Variants in CDH13 observed in about 807,000 individuals in gnomAD.
CDH13 encodes the protein cadherin 13, also known as cadherin-13.
Under a neutral mutation model 63.8 loss-of-function variants are expected in CDH13, and 24 were observed. The observed-to-expected ratio is 0.38, with a 90% CI of 0.27 to 0.53. The LOEUF (loss-of-function observed/expected upper bound fraction) is 0.53. Ranked by LOEUF, CDH13 falls within the 20% of genes least tolerant of loss-of-function variation. The pLI is 0.85. For synonymous variants in CDH13, 503 were observed against 355.3 expected, an observed-to-expected ratio of 1.42 and a Z score of -4.67; for missense variants, 1,049 against 903.1, an observed-to-expected ratio of 1.16 and a Z score of -2.07.
intron 1 of CDH13, among the ~76,000 whole-genome samples, chr16:82,653,343 TAAATA>T (rs1454711333): frequency 1.3e-5 from 2 of 152,164 alleles, no homozygotes; most frequent in Admixed American, 1.3e-4. Context: ...CACAAAAAAA[TAAATA>T]AAAGTATGCT....
intron 1 of CDH13, among the ~76,000 whole-genome samples, chr16:82,770,497 A>C (rs2035219906): frequency 6.6e-6 from 1 of 152,342 alleles, no homozygotes; most frequent in African/African-American, 2.4e-5. Context: ...ACTCATCAAA[A>C]ATCATATATT....
intron 6 of CDH13, among the ~76,000 whole-genome samples, chr16:83,392,744 C>G (rs541921670): frequency 1.3e-5 from 2 of 152,130 alleles, no homozygotes; most frequent in Admixed American, 6.5e-5. Flanking sequence ...GAGGCAGAAT[C>G]ACAGTGTCAG....
chr16:82,718,404 G>A (rs1303944853), intron 1 of CDH13, among the ~76,000 whole-genome samples: 6 of 152,158 alleles, frequency 3.9e-5, no homozygotes, highest in Non-Finnish European at 8.8e-5. Flanking sequence ...ATTTCCCCGG[G>A]CAGGTGACCT....
chr16:83,572,813 CT>C (rs1904767040), intron 7 of CDH13, among the ~76,000 whole-genome samples: 1 of 152,152 alleles, frequency 6.6e-6, no homozygotes, highest in Non-Finnish European at 1.5e-5. Context: ...GTAATCATTT[CT>C]GTTTGGTTTG....
chr16:83,160,346 C>T (rs1157422039), intron 4 of CDH13, among the ~76,000 whole-genome samples: 2 of 151,800 alleles, frequency 1.3e-5, no homozygotes, highest in Non-Finnish European at 2.9e-5. Flanking sequence ...TGAAACTGCT[C>T]TTAAAAAAAC....
At chr16:82,948,425 C>T (rs912075531) in intron 2 of CDH13, among the ~76,000 whole-genome samples, 1 of 152,130 alleles carries the variant, frequency 6.6e-6, no homozygotes, top group Non-Finnish European at 1.5e-5. Flanking sequence ...CTTCTTCCCC[C>T]TTTAGAGTTC....
intron 4 of CDH13, among the ~76,000 whole-genome samples, chr16:83,165,356 C>G (rs1166489678): frequency 6.6e-6 from 1 of 151,328 alleles, no homozygotes; most frequent in African/African-American, 2.4e-5. Flanking sequence ...GATGGATATT[C>G]TAAGATTTGT....
chr16:83,356,786 A>G (rs1346068422), intron 6 of CDH13, among the ~76,000 whole-genome samples: 1 of 152,216 alleles, frequency 6.6e-6, no homozygotes, highest in Admixed American at 6.5e-5. Flanking sequence ...ATAGGTCATG[A>G]ATTGAGTTTT....
At chr16:82,689,462 G>A (rs1915419056) in intron 1 of CDH13, among the ~76,000 whole-genome samples, 1 of 152,014 alleles carries the variant, frequency 6.6e-6, no homozygotes. Context: ...TTTTTTGTGG[G>A]TTTTCAAGTC....
chr16:83,377,619 C>G (rs1031099303), intron 6 of CDH13, among the ~76,000 whole-genome samples: 1 of 152,246 alleles, frequency 6.6e-6, no homozygotes, highest in South Asian at 2.1e-4. Flanking sequence ...AAAAATAAAG[C>G]AAAAGTCATT....
intron 8 of CDH13, among the ~76,000 whole-genome samples, chr16:83,667,220 C>T (rs1442364870): frequency 6.6e-6 from 1 of 152,148 alleles, no homozygotes; most frequent in Admixed American, 6.5e-5. Context: ...GAATTCCTAG[C>T]ACATCAGCCC....
At chr16:82,749,103 A>C (rs2034304519) in intron 1 of CDH13, among the ~76,000 whole-genome samples, 1 of 151,892 alleles carries the variant, frequency 6.6e-6, no homozygotes, top group Non-Finnish European at 1.5e-5. Context: ...TTTTTTTTTC[A>C]AATGGACACA....
At position 82,871,822 on chromosome 16, in the gene CDH13, T is replaced by C. The variant is rs1489694609; in HGVS notation, c.157+13349T>C. 2.0e-5 allele frequency among the ~76,000 whole-genome samples: 3 copies of C among 152,280 alleles called. No homozygotes were observed. In the East Asian group the frequency reaches 5.8e-4, roughly 29 times the overall value. ...TTGCTTTCTATAATATTGATCTCAA[T>C]CTTCACTCTCAGAGGGTTTCCCTCC... On this transcript the variant is annotated intron_variant, in intron 2 of 13. Coordinates refer to ENST00000567109, the MANE Select transcript of CDH13 (RefSeq NM_001257.5).
chr16:82,964,973 G>A (rs1907596549), intron 2 of CDH13, among the ~76,000 whole-genome samples: 1 of 152,214 alleles, frequency 6.6e-6, no homozygotes, highest in African/African-American at 2.4e-5. Flanking sequence ...CCCACTGGGA[G>A]CTAAGAAGGA....
At chr16:82,685,969 C>T (rs1255176984) in intron 1 of CDH13, among the ~76,000 whole-genome samples, 2 of 152,170 alleles carry the variant, frequency 1.3e-5, no homozygotes, top group African/African-American at 2.4e-5. Flanking sequence ...TGAATAGGCA[C>T]AGAGAGCTGA....
At chr16:83,202,269 G>A (rs953127272) in intron 4 of CDH13, among the ~76,000 whole-genome samples, 1 of 152,172 alleles carries the variant, frequency 6.6e-6, no homozygotes. Context: ...CAAGCATGGC[G>A]CTTTTGGGGA....
At chr16:83,496,792 A>G (rs2074156152) in intron 7 of CDH13, among the ~76,000 whole-genome samples, 1 of 152,214 alleles carries the variant, frequency 6.6e-6, no homozygotes, top group Admixed American at 6.5e-5. Context: ...AGAATCTACA[A>G]TGAACTCAAA....
intron 2 of CDH13, among the ~76,000 whole-genome samples, chr16:82,959,655 A>G (rs1906659063): frequency 6.6e-6 from 1 of 152,178 alleles, no homozygotes; most frequent in African/African-American, 2.4e-5. Context: ...GGTAAGTGAG[A>G]AGACTCTTTT....
intron 5 of CDH13, among the ~76,000 whole-genome samples, chr16:83,320,309 G>A (rs1009904016): frequency 5.9e-5 from 9 of 151,940 alleles, no homozygotes; most frequent in Non-Finnish European, 1.3e-4. Flanking sequence ...GCCTCCCAAA[G>A]TGCTGGGATT....
Sources: gnomAD v4.1 joint callset for allele counts (sites outside exome capture counted in the v4.1 genomes callset) on GRCh38, gnomAD v4.1.1 for gene constraint, MANE v1.5 for transcripts, NCBI Gene and HGNC (gene_info 2026-07-23, HGNC 2026-07-21) for gene names.